TRDN: variants seen among roughly 807,000 people sequenced by gnomAD.
TRDN encodes the protein triadin.
In TRDN, 161 loss-of-function variants were observed where a neutral mutation model predicts 149.7. The ratio of observed to expected loss-of-function variants is 1.08; its 90% CI spans 0.95 to 1.23. The LOEUF is 1.23. Among genes scored for constraint, TRDN ranks in the 50% most tolerant of loss-of-function variants. The pLI is 0.00. For synonymous variants in TRDN, 294 were observed against 250.5 expected (o/e 1.17, Z -1.64); for missense variants, 896 against 823.5 (o/e 1.09, Z -1.08).
intron 10 of TRDN, chr6:123,463,198 A>C (rs369423326): frequency 6.6e-6 from 1 of 151,680 alleles, no homozygotes; most frequent in African/African-American, 2.4e-5. Flanking sequence ...TTAGCCAGGC[A>C]TGGTGGCGGG....
At chr6:123,379,974 G>T (rs1488884796) in intron 16 of TRDN, among the ~76,000 whole-genome samples, 3 of 152,038 alleles carry the variant, frequency 2.0e-5, no homozygotes, top group Non-Finnish European at 4.4e-5. Flanking sequence ...TAAAATTGGG[G>T]TGTACCATCG....
intron 2 of TRDN, among the ~76,000 whole-genome samples, chr6:123,565,716 T>C (rs1782254430): frequency 6.6e-6 from 1 of 152,198 alleles, no homozygotes; most frequent in African/African-American, 2.4e-5. Flanking sequence ...CTAGCTGCCC[T>C]TGTTGTGTGG....
chr6:123,595,720 C>A lies in TRDN; in HGVS notation c.23-24588G>T, dbSNP rs182445700. Reference sequence around the variant, plus strand: ...TACATCTGTTACAGTGATCTGTGATCAGTGATTTCTGACGTTACTGTTGTA... The same window carrying A: ...TACATCTGTTACAGTGATCTGTGATAAGTGATTTCTGACGTTACTGTTGTA... On this transcript the variant is annotated intron_variant, in intron 1 of 40. Coordinates refer to ENST00000334268, the MANE Select transcript of TRDN (RefSeq NM_006073.4). 1.4e-4 allele frequency among the ~76,000 whole-genome samples: 22 copies of A among 152,164 alleles called. 1 individual carries two copies. The highest frequency in any genetic ancestry group is 2.6e-4 in the Non-Finnish European group (18 of 67,972).
intron 12 of TRDN, among the ~76,000 whole-genome samples, chr6:123,410,054 T>C (rs1029919049): frequency 3.3e-5 from 5 of 152,114 alleles, no homozygotes; most frequent in African/African-American, 1.2e-4. Context: ...AGGAAAGACA[T>C]TGAAACTCTT....
At chr6:123,469,124 A>G (rs1484218703) in intron 9 of TRDN, among the ~76,000 whole-genome samples, 1 of 152,236 alleles carries the variant, frequency 6.6e-6, no homozygotes, top group East Asian at 1.9e-4. Flanking sequence ...TATTAAAGCA[A>G]TAATATTACT....
At chr6:123,456,843 C>T (rs768847092) in intron 10 of TRDN, 3 of 455,974 alleles carry the variant, frequency 6.6e-6, no homozygotes, top group Middle Eastern at 3.3e-4. Flanking sequence ...ACTTTTCTCA[C>T]TCATTCTAGA....
At chr6:123,576,638 A>T (rs1235290120) in intron 1 of TRDN, among the ~76,000 whole-genome samples, 4 of 151,884 alleles carry the variant, frequency 2.6e-5, no homozygotes, top group African/African-American at 9.7e-5. Flanking sequence ...TCCTGCCCTA[A>T]TCACTCCCCA....
intron 34 of TRDN, among the ~76,000 whole-genome samples, chr6:123,260,354 C>T (rs553082411): frequency 3.9e-5 from 6 of 152,096 alleles, no homozygotes; most frequent in Admixed American, 1.3e-4. Context: ...TTTCTTGCTA[C>T]ACTTTTTAGA....
At chr6:123,559,331 G>T (rs1042527755) in intron 2 of TRDN, among the ~76,000 whole-genome samples, 3 of 152,072 alleles carry the variant, frequency 2.0e-5, no homozygotes, top group Non-Finnish European at 4.4e-5. Flanking sequence ...TGCCAAATTA[G>T]ACAATACTCT....
chr6:123,371,180 T>C (rs1403630337), intron 19 of TRDN, among the ~76,000 whole-genome samples: 4 of 152,116 alleles, frequency 2.6e-5, no homozygotes, highest in African/African-American at 7.2e-5. Context: ...AACTATGCCA[T>C]GTTTTGCCTT....
intron 1 of TRDN, among the ~76,000 whole-genome samples, chr6:123,591,218 A>G (rs1487353631): frequency 6.6e-6 from 1 of 152,140 alleles, no homozygotes; most frequent in African/African-American, 2.4e-5. Context: ...GTATTAACAT[A>G]TCATTATATT....
chr6:123,569,666 G>A (rs1419696418), intron 2 of TRDN, among the ~76,000 whole-genome samples: 3 of 152,196 alleles, frequency 2.0e-5, no homozygotes, highest in African/African-American at 7.2e-5. Flanking sequence ...AATGGTAGAA[G>A]GAGGAGAGAG....
intron 38 of TRDN, among the ~76,000 whole-genome samples, chr6:123,230,850 T>G (rs1387957479): frequency 6.6e-6 from 1 of 152,002 alleles, no homozygotes; most frequent in East Asian, 1.9e-4. Flanking sequence ...ATTTATTCAT[T>G]TAAGATAAAG....
chr6:123,419,191 G>T (rs1773791967), intron 12 of TRDN, among the ~76,000 whole-genome samples: 1 of 152,030 alleles, frequency 6.6e-6, no homozygotes, highest in Non-Finnish European at 1.5e-5. Context: ...AACCCCCAGA[G>T]CCAGGGCTTC....
intron 14 of TRDN, among the ~76,000 whole-genome samples, chr6:123,386,093 C>T (rs1781897386): frequency 6.6e-6 from 1 of 152,132 alleles, no homozygotes. Context: ...GAAATGTGCT[C>T]ATCCTCCATA....
intron 9 of TRDN, among the ~76,000 whole-genome samples, chr6:123,480,081 G>A (rs1300201467): frequency 1.3e-5 from 2 of 152,036 alleles, no homozygotes; most frequent in Admixed American, 6.6e-5. Context: ...TCTCTGAGGT[G>A]TTGAATGGTA....
At chr6:123,515,054 C>A (rs1779354244) in intron 6 of TRDN, among the ~76,000 whole-genome samples, 1 of 151,850 alleles carries the variant, frequency 6.6e-6, no homozygotes, top group Non-Finnish European at 1.5e-5. Flanking sequence ...TGTAACAAAC[C>A]TGGACATGTA....
intron 21 of TRDN, among the ~76,000 whole-genome samples, chr6:123,344,525 C>T (rs1297509579): frequency 3.3e-5 from 5 of 151,998 alleles, no homozygotes; most frequent in Non-Finnish European, 7.4e-5. Flanking sequence ...TGTAATTATA[C>T]AACATGTTGA....
chr6:123,302,700 G>A (rs1252302362), intron 24 of TRDN, among the ~76,000 whole-genome samples: 3 of 152,106 alleles, frequency 2.0e-5, no homozygotes, highest in African/African-American at 7.2e-5. Flanking sequence ...GAAGCTTGAT[G>A]TTTTTCTTTC....
Sources: allele counts gnomAD v4.1 joint callset (sites outside exome capture counted in the v4.1 genomes callset), GRCh38; gene constraint gnomAD v4.1.1; transcripts MANE v1.5; gene names NCBI Gene and HGNC (gene_info 2026-07-23, HGNC 2026-07-21).